The following TMEM108 variants were observed in gnomAD, a reference collection of about 807,000 sequenced individuals.
TMEM108 encodes cancer/testis antigen 124.
TMEM108 carries 12 observed loss-of-function variants against 35.1 expected under a neutral mutation model. The ratio of observed to expected loss-of-function variants is 0.34; its 90% CI spans 0.22 to 0.55. The LOEUF (loss-of-function observed/expected upper bound fraction) is 0.55, where lower values mean the gene tolerates loss of function less well. Ranked by LOEUF, TMEM108 falls within the 20% of genes least tolerant of loss-of-function variation. The pLI, the probability that TMEM108 is intolerant of heterozygous loss-of-function variation, is 0.89. For missense variants in TMEM108, 680 were observed against 753.3 expected (o/e 0.90, Z 1.14); for synonymous variants, 287 against 308.6 (o/e 0.93, Z 0.73).
intron 2 of TMEM108, among the ~76,000 whole-genome samples, chr3:133,117,252 A>C (rs1468799439): frequency 6.6e-6 from 1 of 152,332 alleles, no homozygotes. Context: ...GTACCAGGAA[A>C]CCATCCCATC....
intron 3 of TMEM108, among the ~76,000 whole-genome samples, chr3:133,322,873 C>T (rs533275768): frequency 8.9e-4 from 135 of 152,160 alleles, no homozygotes; most frequent in Admixed American, 2.5e-3. Context: ...ATATACAAAT[C>T]GATAAATGTG....
intron 2 of TMEM108, among the ~76,000 whole-genome samples, chr3:133,132,052 A>G (rs544872646): frequency 6.6e-6 from 1 of 152,340 alleles, no homozygotes; most frequent in East Asian, 1.9e-4. Context: ...TGCAGAAGAA[A>G]AATGGAAAGC....
intron 2 of TMEM108, among the ~76,000 whole-genome samples, chr3:133,183,740 C>G: frequency 6.6e-6 from 1 of 152,204 alleles, no homozygotes; most frequent in South Asian, 2.1e-4. Context: ...TGTGCAAGGC[C>G]CTTCAAGCCC....
chr3:133,290,788 G>A (rs1947052358), intron 3 of TMEM108, among the ~76,000 whole-genome samples: 1 of 152,088 alleles, frequency 6.6e-6, no homozygotes, highest in Admixed American at 6.6e-5. Context: ...CTTCTCTGTG[G>A]ATTACCTTCA....
At chr3:133,386,933 C>T in intron 4 of TMEM108, 1 of 842,316 alleles carries the variant, frequency 1.2e-6, no homozygotes, top group Non-Finnish European at 1.4e-6. Context: ...ATAGTGCCTT[C>T]CTCAGGCAGT....
At chr3:133,306,261 T>G (rs972871297) in intron 3 of TMEM108, among the ~76,000 whole-genome samples, 1 of 152,150 alleles carries the variant, frequency 6.6e-6, no homozygotes, top group Non-Finnish European at 1.5e-5. Context: ...AAGTACCATA[T>G]TGTGTTAATT....
chr3:133,238,227 T>C (rs1010090754), intron 3 of TMEM108, among the ~76,000 whole-genome samples: 3 of 152,180 alleles, frequency 2.0e-5, no homozygotes, highest in Non-Finnish European at 4.4e-5. Context: ...TGATTATACA[T>C]GTGCTTGTTT....
chr3:133,166,392 T>C (rs1163876282), intron 2 of TMEM108, among the ~76,000 whole-genome samples: 1 of 152,226 alleles, frequency 6.6e-6, no homozygotes, highest in Non-Finnish European at 1.5e-5. Flanking sequence ...TAAAGAGTTT[T>C]GTGTCCAAAA....
intron 1 of TMEM108, 43 bp from the exon 2 acceptor site, chr3:133,045,859 G>A (rs549716463): frequency 1.3e-5 from 2 of 152,734 alleles, no homozygotes; most frequent in East Asian, 3.9e-4. Context: ...GGGACTTGAA[G>A]TTCCTTTGGC....
intron 2 of TMEM108, among the ~76,000 whole-genome samples, chr3:133,138,837 A>G (rs1944601245): frequency 6.6e-6 from 1 of 151,902 alleles, no homozygotes; most frequent in East Asian, 1.9e-4. Flanking sequence ...ATAGGTATAC[A>G]CATGCCATGG....
intron 1 of TMEM108, among the ~76,000 whole-genome samples, chr3:133,040,039 C>A (rs1490607408): frequency 6.6e-6 from 1 of 152,084 alleles, no homozygotes; most frequent in Non-Finnish European, 1.5e-5. Flanking sequence ...TGTCGGTTTT[C>A]TGAGATGAAT....
intron 2 of TMEM108, among the ~76,000 whole-genome samples, chr3:133,162,576 C>T (rs977008616): frequency 6.6e-6 from 1 of 152,194 alleles, no homozygotes; most frequent in Non-Finnish European, 1.5e-5. Flanking sequence ...CATTAATGCC[C>T]TCTGTTCAGC....
intron 2 of TMEM108, among the ~76,000 whole-genome samples, chr3:133,153,666 C>G (rs1944833728): frequency 6.6e-6 from 1 of 152,162 alleles, no homozygotes; most frequent in South Asian, 2.1e-4. Flanking sequence ...GCACTACATT[C>G]ATTCCAGGGT....
chr3:133,249,615 C>A (rs1001962931), intron 3 of TMEM108, among the ~76,000 whole-genome samples: 5 of 152,152 alleles, frequency 3.3e-5, no homozygotes, highest in Non-Finnish European at 5.9e-5. Flanking sequence ...GTAGCTCCAT[C>A]CATGTTGCTG....
At chr3:133,276,795 G>A (rs1053960685) in intron 3 of TMEM108, among the ~76,000 whole-genome samples, 3 of 152,180 alleles carry the variant, frequency 2.0e-5, no homozygotes, top group African/African-American at 7.2e-5. Context: ...GTGCAGGGCT[G>A]GGGAGGCTCA....
At chr3:133,162,709 G>C (rs1184745293) in intron 2 of TMEM108, among the ~76,000 whole-genome samples, 1 of 152,174 alleles carries the variant, frequency 6.6e-6, no homozygotes, top group African/African-American at 2.4e-5. Flanking sequence ...CTGAGCCCTT[G>C]GCTTCATTAA....
rs145019927 is a variant in TMEM108 at position 133,387,736 on chromosome 3, C to T, written c.1451-2444C>T. 2.6e-3 allele frequency: 1,935 copies of T among 757,032 alleles called. 7 individuals are homozygous for T. Among genetic ancestry groups the T allele is most frequent in the Non-Finnish European group, 3.0e-3 (1,859 of 621,574 alleles). 46.9% of individuals were successfully genotyped at this position (757,032 alleles called of 1,614,324 possible). A position where few individuals can be genotyped will look rare whatever the true frequency, so the allele number is the denominator to read the frequency against. On this transcript the variant is annotated intron_variant, in intron 4 of 5. Transcript: ENST00000321871. ...TGAAGTGCTGGCAGATGTATGACTG[C>T]ATTTAATCTTCCCAAGGAAGCTGAC...
At chr3:133,259,804 A>C (rs80096231) in intron 3 of TMEM108, among the ~76,000 whole-genome samples, 57 of 152,260 alleles carry the variant, frequency 3.7e-4, no homozygotes, top group African/African-American at 1.3e-3. Context: ...AAACAGGACA[A>C]ACCTTGGAGG....
intron 3 of TMEM108, among the ~76,000 whole-genome samples, chr3:133,298,768 G>A (rs115810812): frequency 0.01 from 1,581 of 152,266 alleles, 34 homozygotes; most frequent in South Asian, 0.038. Flanking sequence ...AGAGATGGGC[G>A]TGTGCTCAGC....
Sources: allele counts gnomAD v4.1 joint callset (sites outside exome capture counted in the v4.1 genomes callset), GRCh38; gene constraint gnomAD v4.1.1; transcripts MANE v1.5; gene names NCBI Gene and HGNC (gene_info 2026-07-23, HGNC 2026-07-21).